Variants in SLC66A3 observed in about 807,000 individuals in gnomAD.
The protein encoded by SLC66A3 is PQ loop repeat containing 3.
Under a neutral mutation model 25.5 loss-of-function variants are expected in SLC66A3, and 23 were observed. The observed-to-expected ratio is 0.90, with a 90% CI of 0.65 to 1.28. The LOEUF (loss-of-function observed/expected upper bound fraction) is 1.28. Among genes scored for constraint, SLC66A3 ranks in the 50% most tolerant of loss-of-function variants. SLC66A3 has a pLI of 0.00. For missense variants in SLC66A3, 246 were observed against 262.1 expected, an observed-to-expected ratio of 0.94 and a Z score of 0.42; for synonymous variants, 108 against 112.6, an observed-to-expected ratio of 0.96 and a Z score of 0.26.
In SLC66A3 at chr2:11,155,707, C is replaced by T; in HGVS notation, c.143+18C>T. 1 of 1,381,930 alleles carries T rather than the reference C, an allele frequency of 7.2e-7. No individual in the cohort carries two copies. The highest frequency in any genetic ancestry group is 2.9e-5 in the East Asian group (1 of 34,918). 85.6% of individuals were successfully genotyped at this position (1,381,930 alleles called of 1,614,324 possible). A position where few individuals can be genotyped will look rare whatever the true frequency, so the allele number is the denominator to read the frequency against. ...CTGGCAGGGTAAGGCCCGGGGCGGC[C>T]GGGGCTGCCTCCTGCCCCCTCGCAG... On this transcript the variant is annotated intron_variant, in intron 1 of 6. Transcript: ENST00000295083.
At chr2:11,163,494 A>G (rs746632363) in intron 3 of SLC66A3, among the ~76,000 whole-genome samples, 2 of 152,194 alleles carry the variant, frequency 1.3e-5, no homozygotes, top group East Asian at 1.9e-4. Context: ...CATTTAATTA[A>G]TGTTTGAAAT....
intron 1 of SLC66A3, among the ~76,000 whole-genome samples, chr2:11,156,684 A>G (rs1366662332): frequency 8.6e-5 from 13 of 151,394 alleles, no homozygotes; most frequent in Non-Finnish European, 1.5e-4. Flanking sequence ...CAGTCATCCA[A>G]TAGGGGGCTT....
chr2:11,177,451 T>C (rs1357188796), intron 6 of SLC66A3, among the ~76,000 whole-genome samples: 1 of 147,582 alleles, frequency 6.8e-6, no homozygotes, highest in Admixed American at 6.7e-5. Flanking sequence ...AGGGCAAGAC[T>C]GTCTCAAAAA....
rs77576402 is a variant in SLC66A3 at position 11,157,831 on chromosome 2, G to A, written c.143+2142G>A. Among the ~76,000 whole-genome samples the A allele has an allele frequency of 5.1e-3, 771 of 152,244 alleles. 2 individuals carry two copies. The highest frequency in any genetic ancestry group is 0.018 in the African/African-American group (738 of 41,532). On this transcript the variant is annotated intron_variant, in intron 1 of 6. Transcript: ENST00000295083. ...CCTTGTAGCTGGAGCCTTCCCCCTC[G>A]CAAGTTCCCAACCTTGCTGCTTCTC... is the stretch of plus-strand genomic sequence containing the variant.
intron 4 of SLC66A3, among the ~76,000 whole-genome samples, chr2:11,165,692 C>T (rs551191919): frequency 7.2e-5 from 11 of 152,254 alleles, no homozygotes; most frequent in Admixed American, 2.0e-4. Flanking sequence ...TGTAGCGAGC[C>T]GAGATCACGT....
chr2:11,158,678 C>T (rs1661996146), intron 1 of SLC66A3, among the ~76,000 whole-genome samples: 2 of 150,688 alleles, frequency 1.3e-5, no homozygotes, highest in African/African-American at 2.4e-5. Flanking sequence ...AAGAAATTAG[C>T]CAGGTGTAGT....
chr2:11,174,166 C>T (rs533652496), intron 5 of SLC66A3, among the ~76,000 whole-genome samples: 83 of 152,246 alleles, frequency 5.5e-4, no homozygotes, highest in Non-Finnish European at 9.8e-4. Flanking sequence ...CCATGTTGGT[C>T]AGGCTGGTCT....
chr2:11,178,520 T>G lies in SLC66A3; in HGVS notation c.*692T>G. ...GAGGAAATCCCAGTAAGCTTTCTGA[T>G]TCAAGTACAATGCTGCCATTTTTTA... On this transcript the variant is annotated 3_prime_UTR_variant, in exon 7 of 7. Coordinates refer to ENST00000295083, the MANE Select transcript of SLC66A3 (RefSeq NM_152391.5). 6.6e-6 allele frequency: 1 copy of G among 152,638 alleles called. No individual in the cohort carries two copies. The highest frequency in any genetic ancestry group is 1.5e-5 in the Non-Finnish European group (1 of 68,028). The allele number at this position is 152,638 out of a possible 1,614,324, so 9.5% of individuals were successfully genotyped here.
intron 1 of SLC66A3, among the ~76,000 whole-genome samples, chr2:11,160,001 C>T (rs994935661): frequency 1.3e-5 from 2 of 152,314 alleles, no homozygotes; most frequent in African/African-American, 4.8e-5. Context: ...CACAGACCCC[C>T]GCATCCAGGG....
intron 3 of SLC66A3, among the ~76,000 whole-genome samples, chr2:11,163,942 A>C (rs750333684): frequency 9.9e-5 from 15 of 152,204 alleles, no homozygotes; most frequent in Non-Finnish European, 2.2e-4. Flanking sequence ...GAATGTTCCC[A>C]ATCCTAGGGA....
At chr2:11,166,199 G>C (rs1662337311) in intron 4 of SLC66A3, among the ~76,000 whole-genome samples, 1 of 152,166 alleles carries the variant, frequency 6.6e-6, no homozygotes, top group Non-Finnish European at 1.5e-5. Context: ...ATGAAGAATT[G>C]AGCATCAGTT....
At chr2:11,162,844 G>A (rs1233280477) in intron 3 of SLC66A3, among the ~76,000 whole-genome samples, 1 of 152,024 alleles carries the variant, frequency 6.6e-6, no homozygotes, top group Non-Finnish European at 1.5e-5. Context: ...CTGACCTCGT[G>A]ATCCACCTGC....
chr2:11,171,915 C>A lies in SLC66A3; in HGVS notation c.355-10C>A. ...GACTCGTGACTTTCTCACATTTTATCTGCAAACAGAATCTATGTACTTTCA... is the reference window on the plus strand; with the variant it reads ...GACTCGTGACTTTCTCACATTTTATATGCAAACAGAATCTATGTACTTTCA... On this transcript the variant is annotated splice_polypyrimidine_tract_variant and intron_variant, in intron 4 of 6. Coordinates refer to ENST00000295083, the MANE Select transcript of SLC66A3 (RefSeq NM_152391.5). The A allele has an allele frequency of 6.2e-7, 1 of 1,613,458 alleles. No individual in the cohort carries two copies. Among genetic ancestry groups the A allele is most frequent in the South Asian group, 1.1e-5 (1 of 91,056 alleles).
At chr2:11,176,719 G>A (rs1487745516) in intron 6 of SLC66A3, among the ~76,000 whole-genome samples, 111 of 147,190 alleles carry the variant, frequency 7.5e-4, no homozygotes, top group Non-Finnish European at 1.2e-3. Flanking sequence ...TAGTAGAGAC[G>A]GGGTTTCACC....
At chr2:11,164,345 A>ATTTTT (rs541806283) in intron 4 of SLC66A3, 84 bp downstream of exon 4, 30 of 92,822 alleles carry the variant, frequency 3.2e-4, no homozygotes, top group Middle Eastern at 4.6e-3. Context: ...ATATATATAT[A>ATTTTT]TTTTTTTTTT....
intron 4 of SLC66A3, 84 bp downstream of exon 4, chr2:11,164,345 A>ATATATATATTT: frequency 0.036 from 3,350 of 92,612 alleles, 155 homozygotes; most frequent in African/African-American, 0.054. Context: ...ATATATATAT[A>ATATATATATTT]TTTTTTTTTT....
chr2:11,155,615 G>C lies in SLC66A3; in HGVS notation c.69G>C (p.Pro23=), dbSNP rs1486706839. The C allele has an allele frequency of 3.3e-6, 5 of 1,527,040 alleles. No individual in the cohort carries two copies. Among genetic ancestry groups the C allele is most frequent in the Non-Finnish European group, 4.4e-6 (5 of 1,147,966 alleles). 94.6% of individuals were successfully genotyped at this position (1,527,040 alleles called of 1,614,324 possible). Residue 23 remains proline (P), a synonymous_variant, in exon 1 of 7, where the codon CCG becomes CCC. Coordinates refer to ENST00000295083, the MANE Select transcript of SLC66A3 (RefSeq NM_152391.5). ...TLGVCAALKL[P]QISAVLAARS... ...GCGTGTGCGCCGCGCTGAAGCTGCCGCAGATCTCCGCTGTGCTAGCGGCGC... is the reference window on the plus strand; with the variant it reads ...GCGTGTGCGCCGCGCTGAAGCTGCCCCAGATCTCCGCTGTGCTAGCGGCGC...
intron 4 of SLC66A3, among the ~76,000 whole-genome samples, chr2:11,168,514 C>T (rs35563401): frequency 0.48 from 72,787 of 151,798 alleles, 17,628 homozygotes; most frequent in Middle Eastern, 0.52. Flanking sequence ...GTGTTTAACA[C>T]GAGTGTGTTG....
chr2:11,158,165 C>T (rs967031564), intron 1 of SLC66A3, among the ~76,000 whole-genome samples: 8 of 152,356 alleles, frequency 5.3e-5, no homozygotes, highest in African/African-American at 1.9e-4. Flanking sequence ...GGGGCTGTGT[C>T]AGATGCCCGG....
Sources: gnomAD v4.1 joint callset for allele counts (sites outside exome capture counted in the v4.1 genomes callset) on GRCh38, gnomAD v4.1.1 for gene constraint, MANE v1.5 for transcripts, NCBI Gene and HGNC (gene_info 2026-07-23, HGNC 2026-07-21) for gene names.